SEMA5A: variants seen among roughly 807,000 people sequenced by gnomAD.
The protein encoded by SEMA5A is semaphorin-5A.
Under a neutral mutation model 135.5 loss-of-function variants are expected in SEMA5A, and 55 were observed. The observed-to-expected ratio is 0.41, with a 90% CI of 0.33 to 0.51. The LOEUF is 0.51. Ranked by LOEUF, SEMA5A falls within the 20% of genes least tolerant of loss-of-function variation. The pLI is 0.37. For missense variants in SEMA5A, 1,290 were observed against 1,419.9 expected (o/e 0.91, Z 1.47); for synonymous variants, 580 against 546.5 (o/e 1.06, Z -0.85).
intron 2 of SEMA5A, among the ~76,000 whole-genome samples, chr5:9,389,791 T>G (rs547626511): frequency 1.3e-5 from 2 of 152,326 alleles, no homozygotes; most frequent in East Asian, 3.9e-4. Flanking sequence ...TCTATGAATT[T>G]TTTCCCACTT....
At chr5:9,495,525 G>A (rs544080375) in intron 1 of SEMA5A, among the ~76,000 whole-genome samples, 1 of 152,220 alleles carries the variant, frequency 6.6e-6, no homozygotes, top group East Asian at 1.9e-4. Context: ...CCCTACTAGT[G>A]CCAGGCCCTG....
chr5:9,481,430 G>A (rs920048061), intron 1 of SEMA5A, among the ~76,000 whole-genome samples: 1 of 152,028 alleles, frequency 6.6e-6, no homozygotes, highest in Non-Finnish European at 1.5e-5. Flanking sequence ...GTCAATAGGA[G>A]GTCAACTCAA....
intron 5 of SEMA5A, among the ~76,000 whole-genome samples, chr5:9,238,418 A>G (rs1748025104): frequency 1.3e-5 from 2 of 152,188 alleles, no homozygotes; most frequent in Non-Finnish European, 2.9e-5. Flanking sequence ...TGCAAAGAAC[A>G]TAGCTAGGAT....
intron 3 of SEMA5A, among the ~76,000 whole-genome samples, chr5:9,373,190 A>G (rs1300937406): frequency 6.6e-6 from 1 of 152,232 alleles, no homozygotes; most frequent in Non-Finnish European, 1.5e-5. Context: ...AAAGCAATGC[A>G]TGCAACACAC....
chr5:9,192,246 G>A (rs1176315625), intron 10 of SEMA5A, among the ~76,000 whole-genome samples: 1 of 152,284 alleles, frequency 6.6e-6, no homozygotes, highest in Admixed American at 6.5e-5. Context: ...GGTCTGAGGT[G>A]AGGTCTCGCC....
In SEMA5A at chr5:9,297,168, A is replaced by G. The variant is rs367852371; in HGVS notation, c.270+21204T>C. Among the ~76,000 whole-genome samples the G allele has an allele frequency of 1.1e-4, 17 of 151,830 alleles. No individual in the cohort carries two copies. The East Asian group carries it at 3.1e-3, about 28-fold the overall frequency. ...ATTCAACCTAAAAAAATACATATATATATACATATACATATGTATATACAC... is the reference window on the plus strand; with the variant it reads ...ATTCAACCTAAAAAAATACATATATGTATACATATACATATGTATATACAC... On this transcript the variant is annotated intron_variant, in intron 5 of 22. Coordinates refer to ENST00000382496, the MANE Select transcript of SEMA5A (RefSeq NM_003966.3).
At chr5:9,415,842 G>A (rs2126616777) in intron 2 of SEMA5A, among the ~76,000 whole-genome samples, 1 of 152,326 alleles carries the variant, frequency 6.6e-6, no homozygotes, top group East Asian at 1.9e-4. Flanking sequence ...GCTAGAGCTG[G>A]CATCAGATCT....
chr5:9,250,903 C>CTAT (rs1242436673), intron 5 of SEMA5A, among the ~76,000 whole-genome samples: 1 of 152,112 alleles, frequency 6.6e-6, no homozygotes, highest in African/African-American at 2.4e-5. Context: ...ATTTTCATAT[C>CTAT]TATTAGTATT....
At chr5:9,099,083 G>A (rs985414296) in intron 16 of SEMA5A, among the ~76,000 whole-genome samples, 2 of 152,120 alleles carry the variant, frequency 1.3e-5, no homozygotes, top group African/African-American at 4.8e-5. Context: ...AGAGATTGTA[G>A]ATGATTATTT....
intron 1 of SEMA5A, among the ~76,000 whole-genome samples, chr5:9,478,315 T>C (rs185154710): frequency 1.3e-5 from 2 of 152,298 alleles, no homozygotes; most frequent in East Asian, 1.9e-4. Flanking sequence ...GGAGGCCCCA[T>C]ACAGAATCCC....
intron 1 of SEMA5A, among the ~76,000 whole-genome samples, chr5:9,457,899 CCTT>C (rs1758902038): frequency 7.3e-6 from 1 of 136,272 alleles, no homozygotes; most frequent in South Asian, 2.4e-4. Context: ...CAGCATCTCT[CCTT>C]TTTTTTTTTT....
intron 1 of SEMA5A, among the ~76,000 whole-genome samples, chr5:9,484,040 C>A (rs1311339877): frequency 6.6e-6 from 1 of 152,032 alleles, no homozygotes; most frequent in Non-Finnish European, 1.5e-5. Context: ...AAGGCAGGGT[C>A]CCAGGAAGTA....
At position 9,040,197 on chromosome 5, in the gene SEMA5A, A is replaced by AGGC; in HGVS notation, c.*2697_*2699dup. ...AAAGAAGAAAGGAAAGAAGAAAAGAAGGCAGGAAGGAAGAACAAAAGGAGG... is the reference window on the plus strand; with the variant it reads ...AAAGAAGAAAGGAAAGAAGAAAAGAAGGCGGCAGGAAGGAAGAACAAAAGGAGG... On this transcript the variant is annotated 3_prime_UTR_variant, in exon 23 of 23. Coordinates refer to ENST00000382496, the MANE Select transcript of SEMA5A (RefSeq NM_003966.3). The AGGC allele has an allele frequency of 6.6e-6, 1 of 152,374 alleles. No individual in the cohort carries two copies. The highest frequency in any genetic ancestry group is 2.1e-4 in the South Asian group (1 of 4,824). 9.4% of individuals were successfully genotyped at this position (152,374 alleles called of 1,614,324 possible). A position where few individuals can be genotyped will look rare whatever the true frequency, so the allele number is the denominator to read the frequency against.
intron 3 of SEMA5A, among the ~76,000 whole-genome samples, chr5:9,353,096 A>AAGGAAAG (rs1219303567): frequency 2.3e-3 from 11 of 4,738 alleles, no homozygotes; most frequent in Non-Finnish European, 2.9e-3. Context: ...AAGGAAAGGA[A>AAGGAAAG]GGAAGGAAAG....
chr5:9,490,814 T>G (rs1056907411), intron 1 of SEMA5A, among the ~76,000 whole-genome samples: 5 of 152,152 alleles, frequency 3.3e-5, no homozygotes, highest in African/African-American at 9.7e-5. Context: ...TAGGCAAGAC[T>G]TAAATCTGGC....
chr5:9,168,233 C>T (rs1743719981), intron 11 of SEMA5A, among the ~76,000 whole-genome samples: 1 of 152,154 alleles, frequency 6.6e-6, no homozygotes, highest in Non-Finnish European at 1.5e-5. Flanking sequence ...CTGAGATGGA[C>T]CTTCCAGGTG....
chr5:9,202,391 AAT>A, intron 8 of SEMA5A, 151 bp from the exon 9 acceptor site: 33 of 558,584 alleles, frequency 5.9e-5, no homozygotes, highest in South Asian at 3.3e-4. Context: ...TGAGCAGCTT[AAT>A]GATCTACACT....
chr5:9,181,740 G>A (rs1744523845), intron 11 of SEMA5A, among the ~76,000 whole-genome samples: 1 of 152,080 alleles, frequency 6.6e-6, no homozygotes, highest in African/African-American at 2.4e-5. Context: ...ATGGAGAGGG[G>A]GGACTAGAAA....
intron 2 of SEMA5A, among the ~76,000 whole-genome samples, chr5:9,402,279 A>G (rs1008966182): frequency 6.6e-6 from 1 of 152,222 alleles, no homozygotes; most frequent in African/African-American, 2.4e-5. Flanking sequence ...TGGCTCTTGC[A>G]AAAGTGGAGT....
Sources: gnomAD v4.1 joint callset for allele counts (sites outside exome capture counted in the v4.1 genomes callset) on GRCh38, gnomAD v4.1.1 for gene constraint, MANE v1.5 for transcripts, NCBI Gene and HGNC (gene_info 2026-07-23, HGNC 2026-07-21) for gene names.